LRPPRC: variants seen among roughly 807,000 people sequenced by gnomAD.
The protein encoded by LRPPRC is leucine-rich PPR motif-containing protein, mitochondrial.
A neutral mutation model predicts 180.3 loss-of-function variants in LRPPRC; 120 were observed. That is an observed-to-expected ratio of 0.67 (90% CI 0.57 to 0.77). LRPPRC has a LOEUF of 0.77. Among genes scored for constraint, LRPPRC ranks in the 30% least tolerant of loss-of-function variants. The pLI, the probability that LRPPRC is intolerant of heterozygous loss-of-function variation, is 0.00. For synonymous variants in LRPPRC, 723 were observed against 600.0 expected (o/e 1.21, Z -3.00); for missense variants, 2,012 against 1,657.2 (o/e 1.21, Z -3.72).
At chr2:43,969,341 G>A (rs1469097904) in intron 11 of LRPPRC, among the ~76,000 whole-genome samples, 2 of 151,696 alleles carry the variant, frequency 1.3e-5, no homozygotes, top group Non-Finnish European at 2.9e-5. Flanking sequence ...GAACCCAGGA[G>A]GCAGAGCTTG....
intron 22 of LRPPRC, among the ~76,000 whole-genome samples, chr2:43,945,007 A>G (rs1672626625): frequency 6.6e-6 from 1 of 152,248 alleles, no homozygotes; most frequent in South Asian, 2.1e-4. Context: ...CTTCTTAAGC[A>G]AAAACAAAGC....
At chr2:43,920,430 C>A (rs561796570) in intron 27 of LRPPRC, among the ~76,000 whole-genome samples, 1 of 152,280 alleles carries the variant, frequency 6.6e-6, no homozygotes, top group East Asian at 1.9e-4. Context: ...GCCACCTTGC[C>A]CAGCTGCAGC....
rs1672783940 is a variant in LRPPRC, at chr2:43,948,576, C to G, written c.1736-58G>C. 3 of 871,166 alleles carry G rather than the reference C, an allele frequency of 3.4e-6. No individual in the cohort carries two copies. In the South Asian group the frequency reaches 4.0e-5, roughly 12 times the overall value. 54.0% of individuals were successfully genotyped at this position (871,166 alleles called of 1,614,324 possible). Reference sequence around the variant, plus strand: ...AAAATTACCGAGACTGTCATGTTATCAAGATTAATTTATAAGAAATCATTT... The same window carrying G: ...AAAATTACCGAGACTGTCATGTTATGAAGATTAATTTATAAGAAATCATTT... On this transcript the variant is annotated intron_variant, in intron 16 of 37. Transcript: ENST00000260665.
At chr2:43,988,908 T>G (rs1391495587) in intron 1 of LRPPRC, among the ~76,000 whole-genome samples, 1 of 152,146 alleles carries the variant, frequency 6.6e-6, no homozygotes, top group Admixed American at 6.5e-5. Flanking sequence ...CTCATTCTGT[T>G]GTCCAGGCTG....
chr2:43,897,603 G>C (rs941441941), intron 34 of LRPPRC, among the ~76,000 whole-genome samples: 1 of 151,978 alleles, frequency 6.6e-6, no homozygotes, highest in Non-Finnish European at 1.5e-5. Flanking sequence ...ATGGGTGAAG[G>C]GTTTATCATC....
intron 25 of LRPPRC, among the ~76,000 whole-genome samples, chr2:43,933,056 A>T (rs1408493982): frequency 1.3e-5 from 2 of 152,212 alleles, no homozygotes; most frequent in African/African-American, 4.8e-5. Context: ...CGAATGTGGA[A>T]GAAAAATTAT....
chr2:43,993,099 G>C (rs961274200), intron 1 of LRPPRC, among the ~76,000 whole-genome samples: 1 of 152,164 alleles, frequency 6.6e-6, no homozygotes. Flanking sequence ...TCAATACCAA[G>C]AAAAGTGTCT....
intron 11 of LRPPRC, among the ~76,000 whole-genome samples, chr2:43,965,470 G>A (rs1391792417): frequency 1.3e-5 from 2 of 152,062 alleles, no homozygotes; most frequent in Admixed American, 1.3e-4. Context: ...ACGACTTTTT[G>A]GACTTGAGAC....
chr2:43,963,939 T>G, intron 11 of LRPPRC: 1 of 567,612 alleles, frequency 1.8e-6, no homozygotes, highest in East Asian at 3.0e-5. Flanking sequence ...ATCCTTGAAA[T>G]TATAAGTATA....
intron 14 of LRPPRC, among the ~76,000 whole-genome samples, chr2:43,951,566 G>A (rs984371083): frequency 2.0e-5 from 3 of 152,144 alleles, no homozygotes; most frequent in Non-Finnish European, 4.4e-5. Context: ...TTTATTTAAA[G>A]TAAGTTCTGA....
chr2:43,950,472 A>G, intron 15 of LRPPRC, 101 bp downstream of exon 15: 3 of 1,099,978 alleles, frequency 2.7e-6, no homozygotes, highest in Non-Finnish European at 4.2e-6. Flanking sequence ...TTTTAGTAGA[A>G]AACCAAATAT....
rs1672786722 is a variant in LRPPRC, at chr2:43,948,658, G to A, written c.1736-140C>T. ...TGAAATGGCAACAATGATCACTGAGGCATAGAGATTATGTGGTTTGGGAGC... is the reference window on the plus strand; with the variant it reads ...TGAAATGGCAACAATGATCACTGAGACATAGAGATTATGTGGTTTGGGAGC... On this transcript the variant is annotated intron_variant, in intron 16 of 37. Coordinates refer to ENST00000260665, the MANE Select transcript of LRPPRC (RefSeq NM_133259.4). 1.0e-5 allele frequency: 7 copies of A among 675,390 alleles called. No homozygotes were observed. The East Asian group carries it at 1.9e-4, about 18-fold the overall frequency. 41.8% of individuals were successfully genotyped at this position (675,390 alleles called of 1,614,324 possible).
chr2:43,957,278 T>C (rs2103649369), intron 14 of LRPPRC, 107 bp downstream of exon 14: 2 of 824,388 alleles, frequency 2.4e-6, no homozygotes, highest in East Asian at 2.5e-5. Flanking sequence ...AAACTGAATG[T>C]ACACTGAAAG....
intron 14 of LRPPRC, among the ~76,000 whole-genome samples, chr2:43,953,342 C>G (rs762763806): frequency 2.0e-5 from 3 of 152,144 alleles, no homozygotes; most frequent in Non-Finnish European, 4.4e-5. Context: ...TTTTCTTTAT[C>G]TACAATAAGA....
intron 29 of LRPPRC, 98 bp from the exon 30 acceptor site, chr2:43,912,656 T>C: frequency 1.9e-6 from 2 of 1,045,626 alleles, no homozygotes. Flanking sequence ...CCCAAATATT[T>C]TTGCTTTTTA....
At chr2:43,920,139 C>T (rs1410116228) in intron 27 of LRPPRC, among the ~76,000 whole-genome samples, 1 of 150,466 alleles carries the variant, frequency 6.6e-6, no homozygotes, top group African/African-American at 2.4e-5. Flanking sequence ...AGATTGCAGC[C>T]TATATATTTT....
intron 19 of LRPPRC, 121 bp from the exon 20 acceptor site, chr2:43,947,491 A>G (rs1572954962): frequency 3.0e-6 from 2 of 674,362 alleles, no homozygotes; most frequent in African/African-American, 1.8e-5. Context: ...AAATGCTATC[A>G]GGGATATTAA....
intron 29 of LRPPRC, among the ~76,000 whole-genome samples, chr2:43,913,248 C>A (rs994185025): frequency 6.6e-6 from 1 of 152,252 alleles, no homozygotes; most frequent in South Asian, 2.1e-4. Flanking sequence ...AGAGAAGTAA[C>A]TACACTTTTC....
chr2:43,910,517 G>A lies in LRPPRC; in HGVS notation c.3275+1915C>T, dbSNP rs376235266. Reference sequence around the variant, plus strand: ...CCGAAAGTGTTGGGATTACAGGCATGAGCCAACGTGCCTGGGCTTAAATCT... The same window carrying A: ...CCGAAAGTGTTGGGATTACAGGCATAAGCCAACGTGCCTGGGCTTAAATCT... On this transcript the variant is annotated intron_variant, in intron 30 of 37. Transcript: ENST00000260665. Among the ~76,000 whole-genome samples the A allele has an allele frequency of 8.5e-5, 13 of 152,342 alleles. No homozygotes were observed. The East Asian group carries it at 2.1e-3, about 25-fold the overall frequency.
Sources: gnomAD v4.1 joint callset for allele counts (sites outside exome capture counted in the v4.1 genomes callset) on GRCh38, gnomAD v4.1.1 for gene constraint, MANE v1.5 for transcripts, NCBI Gene and HGNC (gene_info 2026-07-23, HGNC 2026-07-21) for gene names.